HERC1: variants seen among roughly 807,000 people sequenced by gnomAD.
HERC1 encodes probable E3 ubiquitin-protein ligase HERC1.
A neutral mutation model predicts 554.3 loss-of-function variants in HERC1; 160 were observed. That is an observed-to-expected ratio of 0.29 (90% CI 0.25 to 0.33). HERC1 has a LOEUF of 0.33. Among genes scored for constraint, HERC1 ranks in the 10% least tolerant of loss-of-function variants. The pLI is 1.00. For missense variants in HERC1, 4,919 were observed against 5,918.5 expected, an observed-to-expected ratio of 0.83 and a Z score of 5.54; for synonymous variants, 2,175 against 2,131.7, an observed-to-expected ratio of 1.02 and a Z score of -0.56.
chr15:63,735,665 T>C (rs1282914130), intron 12 of HERC1, among the ~76,000 whole-genome samples: 2 of 152,198 alleles, frequency 1.3e-5, no homozygotes, highest in African/African-American at 2.4e-5. Context: ...GGGTCATGGC[T>C]TCTTTATCAG....
At chr15:63,620,044 T>C (rs1029600794) in intron 74 of HERC1, among the ~76,000 whole-genome samples, 9 of 152,242 alleles carry the variant, frequency 5.9e-5, no homozygotes, top group African/African-American at 1.9e-4. Flanking sequence ...AGCTTTTGAA[T>C]GTGTTTGCTC....
Position 63,633,814 on chromosome 15 carries a change from T to C in HERC1, c.12693+34A>G, listed in dbSNP as rs745367562. The C allele has an allele frequency of 2.5e-6, 4 of 1,601,528 alleles. No individual in the cohort carries two copies. In the Admixed American group the frequency reaches 6.9e-5, roughly 28 times the overall value. ...CTGACATAGATGAAAACTATTTATG[T>C]TGTCTGAAAACCTAGACTCAAGGCA... On this transcript the variant is annotated intron_variant, in intron 67 of 77. Transcript: ENST00000443617.
At chr15:63,726,101 C>T (rs1354296006) in intron 17 of HERC1, among the ~76,000 whole-genome samples, 2 of 152,148 alleles carry the variant, frequency 1.3e-5, no homozygotes, top group African/African-American at 4.8e-5. Flanking sequence ...CCTGTCTCAG[C>T]CTCCCAAGTA....
intron 70 of HERC1, among the ~76,000 whole-genome samples, chr15:63,626,924 A>G (rs2068326033): frequency 6.6e-6 from 1 of 152,206 alleles, no homozygotes; most frequent in South Asian, 2.1e-4. Context: ...TCTTTGCAGT[A>G]GGTGCTATTA....
rs534485955 is a variant in HERC1, at chr15:63,678,125, G to C, written c.6790C>G (p.Arg2264Gly). The C allele has an allele frequency of 7.4e-6, 12 of 1,613,778 alleles. No homozygotes were observed. The highest frequency in any genetic ancestry group is 8.5e-6 in the Non-Finnish European group (10 of 1,179,842). The change falls in exon 37 of 78, where the codon CGA becomes GGA. Residue 2264 changes from arginine to glycine, a missense_variant. Around this residue, in one of 11 missense-constraint regions of HERC1, gnomAD observed 1,963 missense variants for 2,228.6 expected, o/e 0.88. Coordinates refer to ENST00000443617, the MANE Select transcript of HERC1 (RefSeq NM_003922.4). ...TCCTCTCTCATTTCATTTTCCTCTC[G>C]GCTCTGAACCGAGCGGCTTTTCTTT... ...KLKKSRSVQS[R>G]EENEMREEKE...
At chr15:63,798,547 CAA>C (rs368821834) in intron 1 of HERC1, among the ~76,000 whole-genome samples, 6 of 63,096 alleles carry the variant, frequency 9.5e-5, no homozygotes, top group Non-Finnish European at 3.7e-5. Flanking sequence ...TCAAACTTTA[CAA>C]AAAAAAAAAA....
At chr15:63,719,115 T>C (rs979383189) in intron 19 of HERC1, among the ~76,000 whole-genome samples, 2 of 152,184 alleles carry the variant, frequency 1.3e-5, no homozygotes, top group African/African-American at 4.8e-5. Flanking sequence ...ATATTATTGT[T>C]AGGAGGAGCA....
chr15:63,796,420 A>G (rs2076814665), intron 1 of HERC1, among the ~76,000 whole-genome samples: 1 of 152,236 alleles, frequency 6.6e-6, no homozygotes, highest in African/African-American at 2.4e-5. Flanking sequence ...ATCTTTGCAA[A>G]ATTATGACAG....
chr15:63,652,040 A>C (rs143267946), intron 52 of HERC1, among the ~76,000 whole-genome samples: 21,969 of 152,028 alleles, frequency 0.14, 2,122 homozygotes, highest in Middle Eastern at 0.21. Flanking sequence ...AGTCTCAAAA[A>C]AGAAAAAAAC....
chr15:63,760,897 T>C (rs1318658270), intron 3 of HERC1, among the ~76,000 whole-genome samples: 1 of 152,150 alleles, frequency 6.6e-6, no homozygotes, highest in Non-Finnish European at 1.5e-5. Context: ...ATTACTGATC[T>C]TTAAAGAGAA....
chr15:63,620,864 C>T (rs963712635), intron 74 of HERC1, among the ~76,000 whole-genome samples: 3 of 152,090 alleles, frequency 2.0e-5, no homozygotes, highest in Non-Finnish European at 2.9e-5. Context: ...TCCTCCATCC[C>T]TTTATTTTGA....
Position 63,747,017 on chromosome 15 carries a change from C to T in HERC1, c.2421G>A (p.Ala807=), listed in dbSNP as rs544757328. 1.3e-6 allele frequency: 2 copies of T among 1,588,576 alleles called. No individual in the cohort carries two copies. The highest frequency in any genetic ancestry group is 1.7e-6 in the Non-Finnish European group (2 of 1,167,772). ...CGAGAATGCTGGTAGCTACCCCTCCCGCAAGTGCAAGAGCAAGGTGATTTG... is the reference window on the plus strand; with the variant it reads ...CGAGAATGCTGGTAGCTACCCCTCCTGCAAGTGCAAGAGCAAGGTGATTTG... The part of the protein sequence containing the change: ...LLSNHLALAL[A]GGVATSILGR... The change falls in exon 12 of 78, where the codon GCG becomes GCA. Residue 807 remains alanine, a synonymous_variant. Transcript: ENST00000443617.
At chr15:63,829,190 G>A (rs2078041363) in intron 1 of HERC1, among the ~76,000 whole-genome samples, 2 of 151,954 alleles carry the variant, frequency 1.3e-5, no homozygotes, top group South Asian at 4.1e-4. Context: ...AGGCCAAGGT[G>A]GGAGAATAAC....
intron 1 of HERC1, among the ~76,000 whole-genome samples, chr15:63,809,301 T>G (rs2077227839): frequency 6.6e-6 from 1 of 152,196 alleles, no homozygotes; most frequent in Non-Finnish European, 1.5e-5. Flanking sequence ...TGTACATTTT[T>G]CTAAATCTGT....
chr15:63,723,046 A>T (rs1829811551), intron 19 of HERC1, 136 bp downstream of exon 19: 1 of 532,218 alleles, frequency 1.9e-6, no homozygotes, highest in East Asian at 3.4e-5. Context: ...CAAATTGTTT[A>T]AAAATGTTAA....
chr15:63,684,581 T>C (rs2071643674), intron 34 of HERC1, among the ~76,000 whole-genome samples: 1 of 152,174 alleles, frequency 6.6e-6, no homozygotes, highest in Non-Finnish European at 1.5e-5. Flanking sequence ...AATTACTAAA[T>C]GGGACACTCA....
intron 1 of HERC1, among the ~76,000 whole-genome samples, chr15:63,777,239 T>C (rs935782309): frequency 6.6e-6 from 1 of 152,236 alleles, no homozygotes; most frequent in African/African-American, 2.4e-5. Context: ...TAAAATCTGA[T>C]GACACTTGCC....
In HERC1 at chr15:63,831,836, A is replaced by G. The variant is rs529543372; in HGVS notation, c.-27+1991T>C. 1.0e-3 allele frequency among the ~76,000 whole-genome samples: 159 copies of G among 152,350 alleles called. 1 individual carries two copies. The highest frequency in any genetic ancestry group is 3.8e-3 in the African/African-American group (157 of 41,582). ...TCAAGAGATGTTTATATTAATAAGC[A>G]GATTAAGTGACGCATTTACATTTGC... On this transcript the variant is annotated intron_variant, in intron 1 of 77. Coordinates refer to ENST00000443617, the MANE Select transcript of HERC1 (RefSeq NM_003922.4).
At chr15:63,638,341 A>G in intron 63 of HERC1, 70 bp downstream of exon 63, 1 of 1,496,846 alleles carries the variant, frequency 6.7e-7, no homozygotes. Flanking sequence ...TTATCCCACA[A>G]TAAGACAAGC....
Sources: gnomAD v4.1 joint callset for allele counts (sites outside exome capture counted in the v4.1 genomes callset) on GRCh38, gnomAD v4.1.1 for gene constraint, gnomAD v4.1.1 regional missense constraint, MANE v1.5 for transcripts, NCBI Gene and HGNC (gene_info 2026-07-23, HGNC 2026-07-21) for gene names.